RIOK3: variants seen among roughly 807,000 people sequenced by gnomAD.
RIOK3 encodes the protein RIO kinase 3.
Under a neutral mutation model 63.5 loss-of-function variants are expected in RIOK3, and 40 were observed. The observed-to-expected ratio is 0.63, with a 90% CI of 0.49 to 0.82. The LOEUF (loss-of-function observed/expected upper bound fraction) is 0.82, where lower values mean the gene tolerates loss of function less well. RIOK3 is among the 40% of genes least tolerant of loss of function. The pLI is 0.00. For missense variants in RIOK3, 557 were observed against 637.0 expected, an observed-to-expected ratio of 0.87 and a Z score of 1.35; for synonymous variants, 193 against 205.0, an observed-to-expected ratio of 0.94 and a Z score of 0.50.
chr18:23,463,925 T>C (rs1347287689), intron 2 of RIOK3, 42 bp from the exon 3 acceptor site: 1 of 1,541,722 alleles, frequency 6.5e-7, no homozygotes, highest in East Asian at 2.2e-5. Flanking sequence ...CTCTGTTTAC[T>C]TAAGCACATT....
chr18:23,473,839 T>G (rs2057472381), intron 8 of RIOK3, among the ~76,000 whole-genome samples: 1 of 152,230 alleles, frequency 6.6e-6, no homozygotes, highest in Non-Finnish European at 1.5e-5. Context: ...CCTTAGACAC[T>G]TTATCATATA....
chr18:23,466,981 AAC>A lies in RIOK3; in HGVS notation c.688-416_688-415del, dbSNP rs548952231. ...CATGTCACTGCATTCCATCCTGGACAACAGAGTGAGACCCTGTCTCTCTCTCT... is the reference window on the plus strand; with the variant it reads ...CATGTCACTGCATTCCATCCTGGACAAGAGTGAGACCCTGTCTCTCTCTCT... On this transcript the variant is annotated intron_variant, in intron 6 of 12. Coordinates refer to ENST00000339486, the MANE Select transcript of RIOK3 (RefSeq NM_003831.5). Among the ~76,000 whole-genome samples the A allele has an allele frequency of 6.6e-5, 10 of 151,902 alleles. No homozygotes were observed. In the South Asian group the frequency reaches 2.1e-3, roughly 32 times the overall value.
Position 23,482,919 on chromosome 18 carries a change from G to T in RIOK3, c.*1640G>T, listed in dbSNP as rs537559143. ...TTGGGTAGATGCTCATTACATTTTT[G>T]AAAGGTTTATGATTCCAAAATAAAG... On this transcript the variant is annotated 3_prime_UTR_variant, in exon 13 of 13. Coordinates refer to ENST00000339486, the MANE Select transcript of RIOK3 (RefSeq NM_003831.5). 2.6e-5 allele frequency: 4 copies of T among 152,254 alleles called. No homozygotes were observed. Among genetic ancestry groups the T allele is most frequent in the South Asian group, 2.1e-4 (1 of 4,824 alleles). The allele number at this position is 152,254 out of a possible 1,614,324, so 9.4% of individuals were successfully genotyped here. A position where few individuals can be genotyped will look rare whatever the true frequency, so the allele number is the denominator to read the frequency against.
intron 9 of RIOK3, 72 bp from the exon 10 acceptor site, chr18:23,476,934 C>T (rs995296617): frequency 6.1e-6 from 8 of 1,311,048 alleles, no homozygotes; most frequent in African/African-American, 5.9e-5. Flanking sequence ...AAATAAAAAA[C>T]TTTCAGGGGT....
At chr18:23,460,791 G>A (rs143594893) in intron 1 of RIOK3, among the ~76,000 whole-genome samples, 2 of 152,130 alleles carry the variant, frequency 1.3e-5, no homozygotes, top group Non-Finnish European at 2.9e-5. Context: ...CAAAAAATTA[G>A]CTATGTTCTC....
In RIOK3 at chr18:23,477,226, C is replaced by T. The variant is rs56187215; in HGVS notation, c.1302C>T (p.His434=). 2.8e-5 allele frequency: 45 copies of T among 1,614,034 alleles called. No individual in the cohort carries two copies. The East Asian group carries it at 8.9e-4, about 32-fold the overall frequency. The stretch of plus-strand genomic sequence containing the variant: ...AGTCAGTAGAACCTACCCACCCTCA[C>T]GGCCTGGAGTTCTTGTTCCGGGACT... ...VSQSVEPTHP[H]GLEFLFRDCR... is the part of the protein sequence containing the mutation. Residue 434 remains histidine (H), a synonymous_variant, in exon 11 of 13, where the codon CAC becomes CAT. Transcript: ENST00000339486.
At position 23,473,511 on chromosome 18, in the gene RIOK3, A is replaced by C; in HGVS notation, c.898A>C (p.Lys300Gln). 6.2e-7 allele frequency: 1 copy of C among 1,612,634 alleles called. No individual in the cohort carries two copies. ...ATTTAAAACAACCCTTAATGAATTT[A>C]AGAATCGTGACAAATATATTAAAGA... ...KVFKTTLNEF[K>Q]NRDKYIKDDF... Residue 300 changes from lysine (K) to glutamine (Q), a missense_variant, in exon 8 of 13, where the codon AAG (lysine) becomes CAG (glutamine). Physicochemically the swap from Lys to Gln is moderately conservative, Grantham distance 53. This residue lies in a region of RIOK3 where 309 missense variants were observed against 338.7 expected (regional missense o/e 0.91). Coordinates refer to ENST00000339486, the MANE Select transcript of RIOK3 (RefSeq NM_003831.5).
intron 11 of RIOK3, among the ~76,000 whole-genome samples, chr18:23,478,781 A>G (rs1473603712): frequency 1.3e-5 from 2 of 152,032 alleles, no homozygotes; most frequent in Non-Finnish European, 2.9e-5. Flanking sequence ...TTCATATTGG[A>G]AATAACCTCT....
Position 23,453,534 on chromosome 18 carries a change from T to G in RIOK3, c.63+32T>G, listed in dbSNP as rs1419209890. The G allele has an allele frequency of 2.6e-6, 4 of 1,547,932 alleles. No homozygotes were observed. In the Admixed American group the frequency reaches 6.7e-5, roughly 26 times the overall value. ...GGCAGACGAGACTGGAGTACTAGCC[T>G]TGGTCACACGGGCTGGATCTCTCGG... is the stretch of plus-strand genomic sequence containing the variant. On this transcript the variant is annotated intron_variant, in intron 1 of 12. Coordinates refer to ENST00000339486, the MANE Select transcript of RIOK3 (RefSeq NM_003831.5).
At chr18:23,458,889 G>A (rs190949232) in intron 1 of RIOK3, among the ~76,000 whole-genome samples, 2 of 152,312 alleles carry the variant, frequency 1.3e-5, no homozygotes, top group Non-Finnish European at 2.9e-5. Context: ...GGCTTGAAGA[G>A]TTTGGGTTTG....
intron 6 of RIOK3, among the ~76,000 whole-genome samples, 199 bp from the exon 7 acceptor site, chr18:23,467,200 G>C (rs1022565020): frequency 1.3e-5 from 2 of 152,042 alleles, no homozygotes; most frequent in Non-Finnish European, 2.9e-5. Context: ...TGTAATCCCA[G>C]CTACTCGGGA....
At chr18:23,471,107 C>T (rs2057453493) in intron 7 of RIOK3, among the ~76,000 whole-genome samples, 1 of 152,218 alleles carries the variant, frequency 6.6e-6, no homozygotes, top group Admixed American at 6.5e-5. Context: ...ATGGAATATG[C>T]TTCCCCCATC....
intron 12 of RIOK3, among the ~76,000 whole-genome samples, chr18:23,480,555 G>GCACGCACACACACA (rs1555621688): frequency 1.4e-5 from 2 of 141,990 alleles, no homozygotes; most frequent in Admixed American, 7.0e-5. Flanking sequence ...TTGGATGCAC[G>GCACGCACACACACA]CACACACACA....
chr18:23,481,217 G>C lies in RIOK3; in HGVS notation c.1498G>C (p.Gly500Arg), dbSNP rs768283222. The C allele has an allele frequency of 1.9e-6, 3 of 1,612,604 alleles. No individual in the cohort carries two copies. The East Asian group carries it at 6.7e-5, about 36-fold the overall frequency. Residue 500 changes from glycine to arginine, a missense_variant, in exon 13 of 13, where the codon GGA becomes CGA. Around this residue, in one of 3 missense-constraint regions of RIOK3, gnomAD observed 309 missense variants for 338.7 expected, o/e 0.91. Transcript: ENST00000339486. ...KMNEDHVQKN[G>R]RKAASFLKDD... ...GAATGAAGATCACGTTCAGAAGAATGGAAGGAAAGCTGCTTCATTTTTGAA... is the reference window on the plus strand; with the variant it reads ...GAATGAAGATCACGTTCAGAAGAATCGAAGGAAAGCTGCTTCATTTTTGAA...
At chr18:23,455,651 T>C (rs2057335432) in intron 1 of RIOK3, among the ~76,000 whole-genome samples, 1 of 151,208 alleles carries the variant, frequency 6.6e-6, no homozygotes, top group Non-Finnish European at 1.5e-5. Context: ...TTGGCCTCTT[T>C]CTTTTTTAAT....
rs1162879470 is a variant in RIOK3 at position 23,467,388 on chromosome 18, A to C, written c.688-11A>C. 3.7e-6 allele frequency: 6 copies of C among 1,609,084 alleles called. No individual in the cohort carries two copies. In the African/African-American group the frequency reaches 6.7e-5, roughly 18 times the overall value. ...CAGTCATTTTCACTTACAGTGCTTT[A>C]TCTCTTGCAGGAAAAAGCAGTTGAT... On this transcript the variant is annotated splice_polypyrimidine_tract_variant and intron_variant, in intron 6 of 12. Transcript: ENST00000339486.
intron 12 of RIOK3, among the ~76,000 whole-genome samples, chr18:23,479,864 A>T (rs1844737792): frequency 6.6e-6 from 1 of 152,202 alleles, no homozygotes; most frequent in Non-Finnish European, 1.5e-5. Context: ...GGCATGAGCC[A>T]CTGTGCCCGG....
rs2057315059 is a variant in RIOK3, at chr18:23,453,320, C to G, written c.-120C>G. The stretch of plus-strand genomic sequence containing the variant: ...ACGCGGCCGCCGCCGTCGCCGCCAT[C>G]TGTCACCTCCACTCCGGCATCAGCA... On this transcript the variant is annotated 5_prime_UTR_variant, in exon 1 of 13. In the 5' UTR this introduces an upstream ATG that the reference lacks. Transcript: ENST00000339486. 1.2e-6 allele frequency: 1 copy of G among 820,548 alleles called. No individual in the cohort carries two copies. The highest frequency in any genetic ancestry group is 1.9e-5 in the Admixed American group (1 of 52,716). 50.8% of individuals were successfully genotyped at this position (820,548 alleles called of 1,614,324 possible).
In RIOK3 at chr18:23,455,646, C is replaced by T. The variant is rs150444316; in HGVS notation, c.63+2144C>T. On this transcript the variant is annotated intron_variant, in intron 1 of 12. Transcript: ENST00000339486. ...GACCTCGTGATCCGCCCACCTTGGCCTCTTTCTTTTTTAATTGAGACAGGG... is the reference window on the plus strand; with the variant it reads ...GACCTCGTGATCCGCCCACCTTGGCTTCTTTCTTTTTTAATTGAGACAGGG... Among the ~76,000 whole-genome samples, 1,066 of 151,776 alleles carry T rather than the reference C, an allele frequency of 7.0e-3. 10 individuals carry two copies. The highest frequency in any genetic ancestry group is 0.01 in the Admixed American group (158 of 15,232).
Sources: gnomAD v4.1 joint callset for allele counts (sites outside exome capture counted in the v4.1 genomes callset) on GRCh38, gnomAD v4.1.1 for gene constraint, gnomAD v4.1.1 regional missense constraint, MANE v1.5 for transcripts, NCBI Gene and HGNC (gene_info 2026-07-23, HGNC 2026-07-21) for gene names.